BPGM: variants seen among roughly 807,000 people sequenced by gnomAD.
BPGM encodes the protein 2,3-bisphosphoglycerate mutase, erythrocyte.
In BPGM, 15 loss-of-function variants were observed where a neutral mutation model predicts 21.6. That is an observed-to-expected ratio of 0.70 (90% CI 0.47 to 1.07). The LOEUF is 1.07. Among genes scored for constraint, BPGM ranks in the 50% least tolerant of loss-of-function variants. BPGM has a pLI of 0.00. For synonymous variants in BPGM, 113 were observed against 116.2 expected (o/e 0.97, Z 0.18); for missense variants, 273 against 319.0 (o/e 0.86, Z 1.10).
At chr7:134,673,009 C>T (rs1031957243) in intron 2 of BPGM, among the ~76,000 whole-genome samples, 1 of 152,008 alleles carries the variant, frequency 6.6e-6, no homozygotes, top group African/African-American at 2.4e-5. Context: ...CCCATCTCTA[C>T]TAAAAATACA....
At chr7:134,657,673 G>A (rs560327488) in intron 1 of BPGM, among the ~76,000 whole-genome samples, 2 of 152,246 alleles carry the variant, frequency 1.3e-5, no homozygotes, top group South Asian at 2.1e-4. Context: ...CCTGGGAAGA[G>A]GTCGTTTTCA....
chr7:134,650,188 A>G (rs1481089078), intron 1 of BPGM, among the ~76,000 whole-genome samples: 1 of 152,198 alleles, frequency 6.6e-6, no homozygotes, highest in African/African-American at 2.4e-5. Flanking sequence ...GTGTTGATAA[A>G]AGCTACTACC....
chr7:134,668,272 C>G (rs1363369939), intron 2 of BPGM, among the ~76,000 whole-genome samples: 2 of 152,160 alleles, frequency 1.3e-5, no homozygotes, highest in African/African-American at 4.8e-5. Context: ...ATCAAGAACT[C>G]TACTCAAAAC....
chr7:134,669,413 C>G (rs1276115934), intron 2 of BPGM, among the ~76,000 whole-genome samples: 1 of 151,770 alleles, frequency 6.6e-6, no homozygotes, highest in African/African-American at 2.4e-5. Context: ...TTTTTTATCC[C>G]AGACTATCTC....
At chr7:134,651,734 A>C (rs923724111) in intron 1 of BPGM, among the ~76,000 whole-genome samples, 1 of 152,202 alleles carries the variant, frequency 6.6e-6, no homozygotes, top group Admixed American at 6.5e-5. Context: ...TGGTGGCATT[A>C]TGGAAAGAAT....
At position 134,662,048 on chromosome 7, in the gene BPGM, A is replaced by G; in HGVS notation, c.541A>G (p.Lys181Glu). 6.2e-7 allele frequency: 1 copy of G among 1,614,178 alleles called. No individual in the cohort carries two copies. The highest frequency in any genetic ancestry group is 8.5e-7 in the Non-Finnish European group (1 of 1,180,018). The change falls in exon 2 of 3, where the codon AAA (lysine) becomes GAA (glutamate). Residue 181 changes from lysine (K) to glutamate (E), a missense_variant. Transcript: ENST00000344924. ...ERIAPEVLRGKTILISAHGNS... is the reference protein window; with the variant it reads ...ERIAPEVLRGETILISAHGNS... ...GATTGCTCCCGAAGTATTACGTGGC[A>G]AAACCATTCTGATATCTGCTCATGG...
At position 134,678,892 on chromosome 7, in the gene BPGM, C is replaced by G. The variant is rs752649971; in HGVS notation, c.641C>G (p.Thr214Ser). The change falls in exon 3 of 3, where the codon ACT becomes AGT. Residue 214 changes from threonine (T) to serine (S), a missense_variant. By Grantham distance (58) the Thr-to-Ser change is moderately conservative. Transcript: ENST00000344924. ...DEDIINITLP[T>S]GVPILLELDE... ...GACATCATCAACATTACTCTTCCTACTGGAGTCCCCATTCTTCTGGAATTG... is the reference window on the plus strand; with the variant it reads ...GACATCATCAACATTACTCTTCCTAGTGGAGTCCCCATTCTTCTGGAATTG... 1 of 1,613,964 alleles carries G rather than the reference C, an allele frequency of 6.2e-7. No individual in the cohort carries two copies. Among genetic ancestry groups the G allele is most frequent in the Non-Finnish European group, 8.5e-7 (1 of 1,179,926 alleles).
At position 134,674,454 on chromosome 7, in the gene BPGM, C is replaced by T. The variant is rs543148913; in HGVS notation, c.602-4399C>T. ...GGGCAACAACTAATCTACTTTGTGT[C>T]ACTATAGATTCACCTGTTGTGGACA... is the stretch of plus-strand genomic sequence containing the variant. On this transcript the variant is annotated intron_variant, in intron 2 of 2. Coordinates refer to ENST00000344924, the MANE Select transcript of BPGM (RefSeq NM_001724.5). Among the ~76,000 whole-genome samples, 9 of 152,278 alleles carry T rather than the reference C, an allele frequency of 5.9e-5. No individual in the cohort carries two copies. The South Asian group carries it at 6.2e-4, about 11-fold the overall frequency.
chr7:134,671,013 G>A lies in BPGM; in HGVS notation c.602-7840G>A, dbSNP rs536877418. Among the ~76,000 whole-genome samples, 5 of 152,190 alleles carry A rather than the reference G, an allele frequency of 3.3e-5. No homozygotes were observed. In the South Asian group the frequency reaches 1.0e-3, roughly 32 times the overall value. On this transcript the variant is annotated intron_variant, in intron 2 of 2. Coordinates refer to ENST00000344924, the MANE Select transcript of BPGM (RefSeq NM_001724.5). ...ATTTTATTGGCACTAGATGTAAACA[G>A]CTTTTTGTTCAAGGCTAAGATTCTT...
chr7:134,653,217 A>T (rs1173000413), intron 1 of BPGM, among the ~76,000 whole-genome samples: 1 of 152,218 alleles, frequency 6.6e-6, no homozygotes, highest in Non-Finnish European at 1.5e-5. Context: ...GAATTATACA[A>T]TTGTACCTAA....
intron 1 of BPGM, among the ~76,000 whole-genome samples, chr7:134,650,874 G>C (rs777827672): frequency 1.3e-5 from 2 of 152,196 alleles, no homozygotes; most frequent in Admixed American, 1.3e-4. Context: ...GCAGCGAGCC[G>C]AGATCACGCC....
chr7:134,659,174 G>A (rs144352113), intron 1 of BPGM, among the ~76,000 whole-genome samples: 10 of 152,276 alleles, frequency 6.6e-5, no homozygotes, highest in African/African-American at 1.9e-4. Flanking sequence ...TGAAGGTAGA[G>A]GAACAGTTGA....
intron 2 of BPGM, among the ~76,000 whole-genome samples, chr7:134,671,206 G>T (rs1795898723): frequency 6.6e-6 from 1 of 151,936 alleles, no homozygotes; most frequent in African/African-American, 2.4e-5. Flanking sequence ...ATGGTACAAG[G>T]GATATAGCAC....
At chr7:134,667,195 T>C (rs1795833668) in intron 2 of BPGM, among the ~76,000 whole-genome samples, 1 of 152,210 alleles carries the variant, frequency 6.6e-6, no homozygotes. Flanking sequence ...TTTTCTTTTA[T>C]AGGAAGGACT....
intron 1 of BPGM, among the ~76,000 whole-genome samples, chr7:134,657,174 G>T (rs1314813613): frequency 6.6e-6 from 1 of 152,196 alleles, no homozygotes; most frequent in Non-Finnish European, 1.5e-5. Context: ...AAACTTCATT[G>T]TGCCTCGCAT....
rs147174635 is a variant in BPGM, at chr7:134,646,897, G to GGCTGCTGCTGCT, written c.-88_-77dup. 67 of 185,814 alleles carry GGCTGCTGCTGCT rather than the reference G, an allele frequency of 3.6e-4. 2 individuals are homozygous for GGCTGCTGCTGCT. The highest frequency in any genetic ancestry group is 9.2e-4 in the Middle Eastern group (1 of 1,090). 11.5% of individuals were successfully genotyped at this position (185,814 alleles called of 1,614,324 possible). On this transcript the variant is annotated 5_prime_UTR_variant, in exon 1 of 3. Transcript: ENST00000344924. ...TGGCTCTTTGGCGGCTCGGAGGAGC[G>GGCTGCTGCTGCT]GCTGCTGCTGCTGCTGCTGCTGCTG...
chr7:134,673,903 CTTTTTT>C (rs11408520), intron 2 of BPGM, among the ~76,000 whole-genome samples: 1 of 122,210 alleles, frequency 8.2e-6, no homozygotes, highest in African/African-American at 3.0e-5. Context: ...GATCTGTTTC[CTTTTTT>C]TTTTTTTTTT....
chr7:134,667,082 C>T (rs1198294330), intron 2 of BPGM, among the ~76,000 whole-genome samples: 1 of 152,108 alleles, frequency 6.6e-6, no homozygotes, highest in African/African-American at 2.4e-5. Context: ...TTCTTGGTAA[C>T]TTACCAACCT....
At chr7:134,666,169 C>A (rs551744841) in intron 2 of BPGM, among the ~76,000 whole-genome samples, 1 of 152,146 alleles carries the variant, frequency 6.6e-6, no homozygotes, top group African/African-American at 2.4e-5. Flanking sequence ...TGAGCCACTG[C>A]GCACCTGGCC....
Sources: gnomAD v4.1 joint callset for allele counts (sites outside exome capture counted in the v4.1 genomes callset) on GRCh38, gnomAD v4.1.1 for gene constraint, MANE v1.5 for transcripts, NCBI Gene and HGNC (gene_info 2026-07-23, HGNC 2026-07-21) for gene names.